ISX: variants seen among roughly 807,000 people sequenced by gnomAD.
The protein encoded by ISX is intestine-specific homeobox.
ISX carries 15 observed loss-of-function variants against 16.9 expected under a neutral mutation model. The observed-to-expected ratio is 0.89, with a 90% CI of 0.59 to 1.36. The LOEUF (loss-of-function observed/expected upper bound fraction) is 1.36, where lower values mean the gene tolerates loss of function less well. Ranked by LOEUF, ISX falls within the 40% of genes most tolerant of loss-of-function variation. The pLI, the probability that ISX is intolerant of heterozygous loss-of-function variation, is 0.00. For synonymous variants in ISX, 125 were observed against 119.7 expected (o/e 1.04, Z -0.29); for missense variants, 316 against 306.1 (o/e 1.03, Z -0.24).
At chr22:35,068,008 G>A (rs954012515) in intron 2 of ISX, among the ~76,000 whole-genome samples, 3 of 152,218 alleles carry the variant, frequency 2.0e-5, no homozygotes, top group Non-Finnish European at 1.5e-5. Context: ...TGGTGTGGAC[G>A]CACACACCTG....
At chr22:35,077,427 G>A (rs895346615) in intron 2 of ISX, among the ~76,000 whole-genome samples, 1 of 152,004 alleles carries the variant, frequency 6.6e-6, no homozygotes, top group Middle Eastern at 3.2e-3. Flanking sequence ...TTCCTGAGCT[G>A]CCCCCTTGGA....
rs73883505 is a variant in ISX, at chr22:35,071,535, T to C, written c.229+4219T>C. On this transcript the variant is annotated intron_variant, in intron 2 of 4. Transcript: ENST00000404699. Reference sequence around the variant, plus strand: ...CATCTTCTCACAGCCTTGCCGTGTGTGTTTGTGTGTAATGTCCCTTTCTCT... The same window carrying C: ...CATCTTCTCACAGCCTTGCCGTGTGCGTTTGTGTGTAATGTCCCTTTCTCT... Among the ~76,000 whole-genome samples the C allele has an allele frequency of 1.0e-2, 1,517 of 152,270 alleles. 27 individuals are homozygous for C. The highest frequency in any genetic ancestry group is 0.035 in the African/African-American group (1,443 of 41,540).
chr22:35,067,942 T>C (rs907491432), intron 2 of ISX, among the ~76,000 whole-genome samples: 6 of 152,180 alleles, frequency 3.9e-5, no homozygotes, highest in African/African-American at 1.2e-4. Context: ...CAGATAACAG[T>C]GACCAGGTAG....
chr22:35,082,899 T>C (rs1202858595), intron 3 of ISX, among the ~76,000 whole-genome samples: 1 of 152,190 alleles, frequency 6.6e-6, no homozygotes, highest in Non-Finnish European at 1.5e-5. Flanking sequence ...GCATCAGTGA[T>C]CACCATGGAT....
chr22:35,085,018 G>A (rs1929215097), intron 4 of ISX, among the ~76,000 whole-genome samples: 1 of 152,066 alleles, frequency 6.6e-6, no homozygotes, highest in African/African-American at 2.4e-5. Context: ...TTTTGAGTGG[G>A]CACCAGGTGC....
At chr22:35,076,683 C>T (rs1053464127) in intron 2 of ISX, among the ~76,000 whole-genome samples, 4 of 152,142 alleles carry the variant, frequency 2.6e-5, no homozygotes, top group African/African-American at 7.2e-5. Context: ...ATTAGCAGAC[C>T]CCAGAGAAGA....
At chr22:35,073,223 G>C (rs1347072185) in intron 2 of ISX, among the ~76,000 whole-genome samples, 1 of 152,186 alleles carries the variant, frequency 6.6e-6, no homozygotes, top group Admixed American at 6.5e-5. Context: ...AATTTGAGAG[G>C]AGGAGTGTCC....
At position 35,086,575 on chromosome 22, in the gene ISX, G is replaced by A. The variant is rs906020842; in HGVS notation, c.*882G>A. The A allele has an allele frequency of 5.9e-5, 9 of 152,162 alleles. No homozygotes were observed. Among genetic ancestry groups the A allele is most frequent in the African/African-American group, 1.9e-4 (8 of 41,438 alleles). 9.4% of individuals were successfully genotyped at this position (152,162 alleles called of 1,614,324 possible). ...CAACTCCCTATTTCCATGCAAAGAC[G>A]CTGGGCAAACCACATGTTCTGTCTG... is the stretch of plus-strand genomic sequence containing the variant. On this transcript the variant is annotated 3_prime_UTR_variant, in exon 5 of 5. Transcript: ENST00000404699.
chr22:35,071,313 C>T (rs550032782), intron 2 of ISX, among the ~76,000 whole-genome samples: 6 of 152,332 alleles, frequency 3.9e-5, no homozygotes, highest in South Asian at 2.1e-4. Context: ...ATTACCACAA[C>T]CTGAGTGGCT....
chr22:35,076,250 A>G (rs1312246001), intron 2 of ISX, among the ~76,000 whole-genome samples: 1 of 152,232 alleles, frequency 6.6e-6, no homozygotes, highest in Non-Finnish European at 1.5e-5. Context: ...GAAGCGCAGA[A>G]CAAGGACCTG....
chr22:35,076,538 C>G (rs988680742), intron 2 of ISX, among the ~76,000 whole-genome samples: 1 of 152,274 alleles, frequency 6.6e-6, no homozygotes, highest in South Asian at 2.1e-4. Context: ...CCCCAGCCTA[C>G]AGGAGGGCTG....
At chr22:35,072,234 G>A (rs995399321) in intron 2 of ISX, among the ~76,000 whole-genome samples, 5 of 152,178 alleles carry the variant, frequency 3.3e-5, no homozygotes, top group Non-Finnish European at 7.3e-5. Flanking sequence ...AGGCCCTGTG[G>A]GAGCACAAGA....
At position 35,085,523 on chromosome 22, in the gene ISX, G is replaced by T; in HGVS notation, c.568G>T (p.Asp190Tyr). 2 of 1,614,176 alleles carry T rather than the reference G, an allele frequency of 1.2e-6. No individual in the cohort carries two copies. Among genetic ancestry groups the T allele is most frequent in the Non-Finnish European group, 1.7e-6 (2 of 1,180,018 alleles). Residue 190 changes from aspartate to tyrosine, a missense_variant, in exon 5 of 5, where the codon GAT becomes TAT. Physicochemically the swap from Asp to Tyr is radical, Grantham distance 160. Transcript: ENST00000404699. ...PPTSCCPSAQ[D>Y]QLASAWFPAW... ...CACGAGCTGTTGTCCATCGGCTCAA[G>T]ATCAGCTGGCCTCTGCCTGGTTCCC...
At chr22:35,074,239 G>A (rs752150316) in intron 2 of ISX, among the ~76,000 whole-genome samples, 5 of 152,218 alleles carry the variant, frequency 3.3e-5, no homozygotes, top group Admixed American at 6.5e-5. Context: ...AAGCCCCAGA[G>A]GAGGGACACC....
chr22:35,067,294 G>A lies in ISX; in HGVS notation c.207G>A (p.Lys69=). The change falls in exon 2 of 5, where the codon AAG becomes AAA. Residue 69 remains lysine (K), a synonymous_variant. Coordinates refer to ENST00000404699, the MANE Select transcript of ISX (RefSeq NM_001303508.2). ...EAAASGSGLE[K]PPKDQPQEGR... ...CGGCCTCAGGCTCTGGGCTAGAAAA[G>A]CCTCCAAAGGACCAGCCCCAGGGTA... 6.3e-7 allele frequency: 1 copy of A among 1,577,796 alleles called. No homozygotes were observed.
chr22:35,079,714 T>G (rs1012895785), intron 2 of ISX, among the ~76,000 whole-genome samples: 1 of 152,196 alleles, frequency 6.6e-6, no homozygotes, highest in South Asian at 2.1e-4. Flanking sequence ...GGCAAGGTGT[T>G]AGCTAGAATG....
intron 2 of ISX, among the ~76,000 whole-genome samples, chr22:35,071,650 T>A (rs1352150921): frequency 6.6e-6 from 1 of 152,172 alleles, no homozygotes; most frequent in African/African-American, 2.4e-5. Flanking sequence ...CAAAGACTAT[T>A]TGGAGCAAAA....
chr22:35,077,092 G>A (rs1282689289), intron 2 of ISX, among the ~76,000 whole-genome samples: 1 of 152,156 alleles, frequency 6.6e-6, no homozygotes, highest in Non-Finnish European at 1.5e-5. Flanking sequence ...GATGATCCAT[G>A]CTGCCTCAGA....
chr22:35,069,897 C>T (rs1601555834), intron 2 of ISX, among the ~76,000 whole-genome samples: 2 of 152,182 alleles, frequency 1.3e-5, no homozygotes, highest in East Asian at 3.8e-4. Context: ...TGCCATCTCA[C>T]CTAGGGATCT....
Sources: allele counts gnomAD v4.1 joint callset (sites outside exome capture counted in the v4.1 genomes callset), GRCh38; gene constraint gnomAD v4.1.1; transcripts MANE v1.5; gene names NCBI Gene and HGNC (gene_info 2026-07-23, HGNC 2026-07-21).